TTN: variants seen among roughly 807,000 people sequenced by gnomAD.
TTN encodes connectin.
TTN carries 1,525 observed loss-of-function variants against 3,223.0 expected under a neutral mutation model. The ratio of observed to expected loss-of-function variants is 0.47; its 90% CI spans 0.45 to 0.49. The LOEUF is 0.49. Ranked by LOEUF, TTN falls within the 20% of genes least tolerant of loss-of-function variation. The pLI is 0.00. For missense variants in TTN, 40,786 were observed against 43,424.0 expected (o/e 0.94, Z 5.40); for synonymous variants, 14,094 against 15,161.0 (o/e 0.93, Z 5.17).
At chr2:178,704,835 A>G (rs764906693) in intron 104 of TTN, 42 bp downstream of exon 104, 3 of 1,610,206 alleles carry the variant, frequency 1.9e-6, no homozygotes, top group Non-Finnish European at 2.5e-6. Context: ...ATAATACTCA[A>G]TAATAACTTG....
At chr2:178,640,740 C>A (rs1560023151) in intron 220 of TTN, 110 bp from the exon 221 acceptor site, 2 of 835,766 alleles carry the variant, frequency 2.4e-6, no homozygotes, top group South Asian at 3.3e-5. Flanking sequence ...TTTTAAAAAA[C>A]CTTATAGTTT....
Position 178,731,939 on chromosome 2 carries a change from T to C in TTN, c.16936A>G (p.Ile5646Val), listed in dbSNP as rs753025325. The change falls in exon 58 of 363, where the codon ATT (isoleucine) becomes GTT (valine). Residue 5646 changes from isoleucine (I) to valine (V), a missense_variant. By Grantham distance (29) the Ile-to-Val change is conservative. Transcript: ENST00000589042. ...SPYFTKEFKP[I>V]EVLKEYDVML... ...ACATCGTACTCCTTTAAGACTTCAA[T>C]TGGCTTAAATTCCTTGGTAAAATAA... is the stretch of plus-strand genomic sequence containing the variant. 3 of 1,609,904 alleles carry C rather than the reference T, an allele frequency of 1.9e-6. No individual in the cohort carries two copies. Among genetic ancestry groups the C allele is most frequent in the East Asian group, 2.2e-5 (1 of 44,754 alleles).
At position 178,768,949 on chromosome 2, in the gene TTN, GA is replaced by G. The variant is rs756934065; in HGVS notation, c.8903-17del. 3.7e-6 allele frequency: 6 copies of G among 1,612,734 alleles called. No homozygotes were observed. The South Asian group carries it at 6.6e-5, about 18-fold the overall frequency. On this transcript the variant is annotated splice_polypyrimidine_tract_variant and intron_variant, in intron 37 of 362. Transcript: ENST00000589042. ...ATCATGATTGCTGCAAAGGAGAAAA[GA>G]AAAAACACCCAAGGAGACTTTACGT... is the stretch of plus-strand genomic sequence containing the variant.
chr2:178,628,520 G>T (rs2059369372), intron 240 of TTN, among the ~76,000 whole-genome samples: 1 of 151,912 alleles, frequency 6.6e-6, no homozygotes, highest in South Asian at 2.1e-4. Flanking sequence ...GTTGTTTCTG[G>T]GGACAAAACA....
Position 178,694,809 on chromosome 2 carries a change from A to G in TTN, c.31348+20T>C, listed in dbSNP as rs1435038473. The G allele has an allele frequency of 1.9e-6, 3 of 1,542,754 alleles. No homozygotes were observed. The highest frequency in any genetic ancestry group is 1.4e-5 in the African/African-American group (1 of 73,282). ...CATATTACTTGTGTACATGGGTGCT[A>G]GGAATGTTTTAAATAATACCTTTGG... On this transcript the variant is annotated intron_variant, in intron 116 of 362. Transcript: ENST00000589042.
chr2:178,681,778 A>G (rs778620462), intron 135 of TTN, 40 bp from the exon 136 acceptor site: 1 of 1,490,732 alleles, frequency 6.7e-7, no homozygotes, highest in African/African-American at 1.4e-5. Flanking sequence ...TTAGACTTAG[A>G]ATATAAGTTT....
Position 178,723,163 on chromosome 2 carries a change from C to T in TTN, c.21844G>A (p.Glu7282Lys), listed in dbSNP as rs778532757. The change falls in exon 75 of 363, where the codon GAG (glutamate) becomes AAG (lysine). Residue 7282 changes from glutamate (E) to lysine (K), a missense_variant. Coordinates refer to ENST00000589042, the MANE Select transcript of TTN (RefSeq NM_001267550.2). ...AGAATTTCCAGGATACAAGTTTTCT[C>T]TGTTGTGACTATGTTACATTTTTCA... ...TSEKCNIVTTEKTCILEILNS... is the reference protein window; with the variant it reads ...TSEKCNIVTTKKTCILEILNS... 48 of 1,613,406 alleles carry T rather than the reference C, an allele frequency of 3.0e-5. No individual in the cohort carries two copies. Among genetic ancestry groups the T allele is most frequent in the Non-Finnish European group, 3.9e-5 (46 of 1,179,648 alleles).
rs1699816128 is a variant in TTN, at chr2:178,552,455, C to T, written c.90445G>A (p.Val30149Met). The T allele has an allele frequency of 6.2e-7, 1 of 1,608,274 alleles. No homozygotes were observed. ...AQVTVRIGHN[V>M]HLELPYKGKP... ...CCCTTATAAGGTAATTCAAGGTGCA[C>T]ATTGTGCCCAATTCTCACAGTGACT... Residue 30149 changes from valine to methionine, a missense_variant, in exon 335 of 363, where the codon GTG (valine) becomes ATG (methionine). Val to Met is a conservative substitution (Grantham distance 21). Transcript: ENST00000589042.
At chr2:178,796,365 A>G (rs748722479) in intron 6 of TTN, among the ~76,000 whole-genome samples, 2 of 152,232 alleles carry the variant, frequency 1.3e-5, no homozygotes, top group African/African-American at 2.4e-5. Context: ...TACACTGATC[A>G]TACATGAAAT....
intron 294 of TTN, among the ~76,000 whole-genome samples, chr2:178,596,226 A>T (rs1329039532): frequency 2.6e-5 from 4 of 152,004 alleles, no homozygotes; most frequent in African/African-American, 9.7e-5. Context: ...CCTGACCTCA[A>T]GTGATCCACC....
intron 133 of TTN, among the ~76,000 whole-genome samples, 191 bp from the exon 134 acceptor site, chr2:178,683,482 G>A (rs1161535649): frequency 6.6e-6 from 1 of 151,916 alleles, no homozygotes; most frequent in Admixed American, 6.6e-5. Context: ...GTACGTCAAA[G>A]ACATTGAATA....
At chr2:178,745,461 C>T in intron 47 of TTN, 4 of 1,505,728 alleles carry the variant, frequency 2.7e-6, no homozygotes, top group Non-Finnish European at 3.5e-6. Flanking sequence ...CTTTAGGGGT[C>T]TCCAAGGTAA....
chr2:178,554,046 G>C lies in TTN; in HGVS notation c.89065C>G (p.Arg29689Gly), dbSNP rs781635476. The change falls in exon 333 of 363, where the codon CGT (arginine) becomes GGT (glycine). Residue 29689 changes from arginine (R) to glycine (G), a missense_variant. Arg to Gly is a moderately radical substitution (Grantham distance 125). Coordinates refer to ENST00000589042, the MANE Select transcript of TTN (RefSeq NM_001267550.2). ...CCTGTTACTTTTTGTCTGGTGTCAC[G>C]GATAGTCTCTTTTAGTACTTTAAAC... ...GWFKVLKETI[R>G]DTRQKVTGLT... The C allele has an allele frequency of 6.2e-7, 1 of 1,613,748 alleles. No homozygotes were observed. Among genetic ancestry groups the C allele is most frequent in the East Asian group, 2.2e-5 (1 of 44,858 alleles).
chr2:178,693,788 CATGAA>C (rs1230119634), intron 118 of TTN, 99 bp from the exon 119 acceptor site: 23 of 1,240,958 alleles, frequency 1.9e-5, no homozygotes, highest in Non-Finnish European at 2.5e-5. Context: ...CAGAGACAAA[CATGAA>C]ATGAAAAAGA....
At position 178,563,131 on chromosome 2, in the gene TTN, C is replaced by T. The variant is rs566099086; in HGVS notation, c.83001G>A (p.Gln27667=). The change falls in exon 326 of 363, where the codon CAG becomes CAA. Residue 27667 remains glutamine, a synonymous_variant. Transcript: ENST00000589042. This position sits in a 1 kb window ranked among gnomAD's most constrained non-coding sequence, Gnocchi z 4.5. ...PATLPGSVVA[Q]ERIEPPEIEL... is the part of the protein sequence containing the mutation. ...CTATTTCTGGTGGCTCTATCCTCTC[C>T]TGAGCAACCACTGAGCCAGGTAGAG... 1 of 1,613,686 alleles carries T rather than the reference C, an allele frequency of 6.2e-7. No individual in the cohort carries two copies. Among genetic ancestry groups the T allele is most frequent in the Admixed American group, 1.7e-5 (1 of 59,990 alleles).
chr2:178,607,428 AT>A lies in TTN; in HGVS notation c.53259del (p.Lys17753AsnfsTer7), dbSNP rs1389777522. ...VITATNSCGS[K>X]FAAARVEVFD... ...AAAACTTCTACCCTGGCTGCTGCAA[AT>A]TTGGAACCACAGCTATTTGTAGCTG... On this transcript the variant is annotated frameshift_variant, in exon 277 of 363. Transcript: ENST00000589042. LOFTEE classifies it high-confidence loss of function. 1 of 1,613,064 alleles carries A rather than the reference AT, an allele frequency of 6.2e-7. No individual in the cohort carries two copies. The highest frequency in any genetic ancestry group is 8.5e-7 in the Non-Finnish European group (1 of 1,179,394).
rs776951032 is a variant in TTN at position 178,587,805 on chromosome 2, A to T, written c.63509-5T>A. The T allele has an allele frequency of 1.3e-6, 2 of 1,590,040 alleles. No individual in the cohort carries two copies. Among genetic ancestry groups the T allele is most frequent in the African/African-American group, 2.7e-5 (2 of 74,274 alleles). On this transcript the variant is annotated splice_polypyrimidine_tract_variant and splice_region_variant and intron_variant, in intron 305 of 362. Transcript: ENST00000589042. ...CCAAATCAATCTCCGGAGGTTCTGC[A>T]AATGACATTAAGGTCATTAATTGAT...
chr2:178,630,557 A>G (rs993761767), intron 238 of TTN, among the ~76,000 whole-genome samples, 190 bp from the exon 239 acceptor site: 1 of 152,100 alleles, frequency 6.6e-6, no homozygotes, highest in Non-Finnish European at 1.5e-5. Flanking sequence ...TTTTAGCTGT[A>G]TAATTCTGAG....
chr2:178,777,199 T>C lies in TTN; in HGVS notation c.4764A>G (p.Val1588=), dbSNP rs1410819176. 1.5e-5 allele frequency: 25 copies of C among 1,614,026 alleles called. No homozygotes were observed. The highest frequency in any genetic ancestry group is 4.0e-5 in the African/African-American group (3 of 74,936). The change falls in exon 27 of 363, where the codon GTA becomes GTG. Residue 1588 remains valine, a synonymous_variant. Transcript: ENST00000589042. ...RATGNPNPDI[V]WLKNSDIIVP... The stretch of plus-strand genomic sequence containing the variant: ...CAATGATGTCACTGTTTTTCAACCA[T>C]ACAATGTCAGGGTTGGGGTTACCCG...
Sources: allele counts gnomAD v4.1 joint callset (sites outside exome capture counted in the v4.1 genomes callset), GRCh38; gene constraint gnomAD v4.1.1; non-coding constraint Gnocchi (gnomAD v3.1); transcripts MANE v1.5; gene names NCBI Gene and HGNC (gene_info 2026-07-23, HGNC 2026-07-21).